The following TFAP2B variants were observed in gnomAD, a reference collection of about 807,000 sequenced individuals.
TFAP2B encodes the protein transcription factor AP-2 beta.
A neutral mutation model predicts 44.3 loss-of-function variants in TFAP2B; 9 were observed. The ratio of observed to expected loss-of-function variants is 0.20; its 90% CI spans 0.12 to 0.35. The LOEUF (loss-of-function observed/expected upper bound fraction) is 0.35, where lower values mean the gene tolerates loss of function less well. Among genes scored for constraint, TFAP2B ranks in the 10% least tolerant of loss-of-function variants. The pLI, the probability that TFAP2B is intolerant of heterozygous loss-of-function variation, is 1.00. For missense variants in TFAP2B, 509 were observed against 600.0 expected (o/e 0.85, Z 1.59); for synonymous variants, 270 against 263.8 (o/e 1.02, Z -0.23).
chr6:50,836,124 T>A lies in TFAP2B; in HGVS notation c.665T>A (p.Met222Lys). ...MMNKDGFLGGMSVNTGEVFCS... is the reference protein window; with the variant it reads ...MMNKDGFLGGKSVNTGEVFCS... Reference sequence around the variant, plus strand: ...AATAAAGACGGCTTCCTGGGAGGCATGTCTGTCAACACCGGCGAGGTGTTT... The same window carrying A: ...AATAAAGACGGCTTCCTGGGAGGCAAGTCTGTCAACACCGGCGAGGTGTTT... The change falls in exon 4 of 7, where the codon ATG becomes AAG. Residue 222 changes from methionine (M) to lysine (K), a missense_variant. Physicochemically the swap from Met to Lys is moderately conservative, Grantham distance 95. Transcript: ENST00000393655. 1 of 1,614,150 alleles carries A rather than the reference T, an allele frequency of 6.2e-7. No individual in the cohort carries two copies. The highest frequency in any genetic ancestry group is 8.5e-7 in the Non-Finnish European group (1 of 1,180,032).
chr6:50,828,815 C>A, intron 3 of TFAP2B, 136 bp downstream of exon 3: 1 of 1,023,542 alleles, frequency 9.8e-7, no homozygotes, highest in South Asian at 1.4e-5. Context: ...CAATGGCTGT[C>A]AGATTAGGGG....
intron 5 of TFAP2B, among the ~76,000 whole-genome samples, chr6:50,839,729 T>C (rs1200891249): frequency 6.6e-6 from 1 of 152,266 alleles, no homozygotes; most frequent in African/African-American, 2.4e-5. Flanking sequence ...TGTTTTTATA[T>C]ATTTGTTGGA....
chr6:50,836,208 T>C lies in TFAP2B; in HGVS notation c.749T>C (p.Val250Ala), dbSNP rs748177600. Reference protein sequence around the residue: ...LSSTSKYKVTVGEVQRRLSPP... With the variant: ...LSSTSKYKVTAGEVQRRLSPP... ...TCAACTTCGAAGTACAAAGTAACTG[T>C]GGGAGAAGTTCAGAGACGGCTGTCG... Residue 250 changes from valine (V) to alanine (A), a missense_variant, in exon 4 of 7, where the codon GTG (valine) becomes GCG (alanine). Transcript: ENST00000393655. 6.2e-7 allele frequency: 1 copy of C among 1,613,618 alleles called. No homozygotes were observed. Among genetic ancestry groups the C allele is most frequent in the Non-Finnish European group, 8.5e-7 (1 of 1,180,030 alleles).
chr6:50,823,283 G>C, intron 1 of TFAP2B, 124 bp from the exon 2 acceptor site: 4 of 864,536 alleles, frequency 4.6e-6, no homozygotes, highest in Non-Finnish European at 7.6e-6. Flanking sequence ...ACAAAAGCCG[G>C]GCTTCTCCAT....
At chr6:50,837,848 G>A (rs1762652832) in intron 4 of TFAP2B, 127 bp from the exon 5 acceptor site, 1 of 809,082 alleles carries the variant, frequency 1.2e-6, no homozygotes, top group East Asian at 2.5e-5. Flanking sequence ...CCAAAAGGAA[G>A]GGGGAAAAAT....
chr6:50,832,557 G>C (rs893736982), intron 3 of TFAP2B, among the ~76,000 whole-genome samples: 2 of 152,160 alleles, frequency 1.3e-5, no homozygotes, highest in African/African-American at 4.8e-5. Context: ...TTGCTGGTGA[G>C]AAAAAGAGTG....
chr6:50,836,616 G>A (rs1581825399), intron 4 of TFAP2B, among the ~76,000 whole-genome samples: 2 of 152,292 alleles, frequency 1.3e-5, no homozygotes, highest in African/African-American at 4.8e-5. Flanking sequence ...CATCTCAGGG[G>A]GCATTCTCCA....
intron 2 of TFAP2B, 39 bp downstream of exon 2, chr6:50,823,904 A>T (rs992580503): frequency 6.5e-7 from 1 of 1,527,982 alleles, no homozygotes; most frequent in South Asian, 1.2e-5. Context: ...AAAAAAGACC[A>T]CGAATAAGGA....
At chr6:50,837,521 C>A (rs759619521) in intron 4 of TFAP2B, among the ~76,000 whole-genome samples, 1 of 152,252 alleles carries the variant, frequency 6.6e-6, no homozygotes, top group African/African-American at 2.4e-5. Context: ...TATACAGCAA[C>A]TCTTGACCCC....
At chr6:50,831,231 G>C (rs983923149) in intron 3 of TFAP2B, among the ~76,000 whole-genome samples, 1 of 152,206 alleles carries the variant, frequency 6.6e-6, no homozygotes, top group Non-Finnish European at 1.5e-5. Context: ...TTAGTTAAGA[G>C]GAAATGAGTT....
At chr6:50,820,751 C>T (rs1299889287) in intron 1 of TFAP2B, among the ~76,000 whole-genome samples, 1 of 152,220 alleles carries the variant, frequency 6.6e-6, no homozygotes, top group Non-Finnish European at 1.5e-5. Flanking sequence ...GTGAAAACAG[C>T]TCAAGCTATA....
rs1762796004 is a variant in TFAP2B at position 50,844,289 on chromosome 6, G to GT, written c.*898dup. 1 of 51,462 alleles carries GT rather than the reference G, an allele frequency of 1.9e-5. No homozygotes were observed. Among genetic ancestry groups the GT allele is most frequent in the Non-Finnish European group, 3.4e-5 (1 of 29,584 alleles). The allele number at this position is 51,462 out of a possible 1,614,324, so 3.2% of individuals were successfully genotyped here. ...TCATCTACTAATTTTATGAACTATA[G>GT]TAAAAAAAAAAAAACACACACACAC... On this transcript the variant is annotated 3_prime_UTR_variant, in exon 7 of 7. Coordinates refer to ENST00000393655, the MANE Select transcript of TFAP2B (RefSeq NM_003221.4).
At chr6:50,818,549 A>G (rs1453523740), upstream of TFAP2B, among the ~76,000 whole-genome samples, 1 of 152,224 alleles carries the variant, frequency 6.6e-6, no homozygotes, top group Non-Finnish European at 1.5e-5. Flanking sequence ...TGTATATATT[A>G]TATTAATCAC....
intron 3 of TFAP2B, among the ~76,000 whole-genome samples, chr6:50,833,811 T>A (rs1173060872): frequency 5.9e-5 from 9 of 152,146 alleles, no homozygotes; most frequent in Admixed American, 5.9e-4. Context: ...CAATACTCAG[T>A]GGGTATTTGG....
intron 1 of TFAP2B, among the ~76,000 whole-genome samples, chr6:50,821,191 G>T (rs1770335691): frequency 6.6e-6 from 1 of 152,168 alleles, no homozygotes; most frequent in Admixed American, 6.5e-5. Context: ...AAGATTGATG[G>T]CGTATGTTTT....
At chr6:50,830,246 C>G (rs1770637452) in intron 3 of TFAP2B, 1 of 953,256 alleles carries the variant, frequency 1.0e-6, no homozygotes, top group Non-Finnish European at 1.2e-6. Flanking sequence ...ATCATTTGGG[C>G]TGGCAGGGGA....
At chr6:50,842,998 C>A in intron 6 of TFAP2B, 94 bp from the exon 7 acceptor site, 1 of 1,537,644 alleles carries the variant, frequency 6.5e-7, no homozygotes, top group Non-Finnish European at 9.0e-7. Flanking sequence ...CTTCGGTGAC[C>A]CGGCGCCTCT....
chr6:50,826,543 C>T (rs961440485), intron 2 of TFAP2B, among the ~76,000 whole-genome samples: 6 of 151,364 alleles, frequency 4.0e-5, no homozygotes, highest in Admixed American at 6.6e-5. Flanking sequence ...TCTGGGTATG[C>T]TACATTTCAC....
chr6:50,824,227 C>T (rs1770441863), intron 2 of TFAP2B, among the ~76,000 whole-genome samples: 1 of 152,188 alleles, frequency 6.6e-6, no homozygotes, highest in Non-Finnish European at 1.5e-5. Context: ...AGCTTGGTAC[C>T]CCTTCTTTAC....
Sources: allele counts gnomAD v4.1 joint callset (sites outside exome capture counted in the v4.1 genomes callset), GRCh38; gene constraint gnomAD v4.1.1; transcripts MANE v1.5; gene names NCBI Gene and HGNC (gene_info 2026-07-23, HGNC 2026-07-21).